Variants in NRCAM observed in about 807,000 individuals in gnomAD.
The protein encoded by NRCAM is neuronal cell adhesion molecule, also known as NgCAM-related cell adhesion molecule.
NRCAM carries 83 observed loss-of-function variants against 156.5 expected under a neutral mutation model. That is an observed-to-expected ratio of 0.53 (90% CI 0.44 to 0.64). NRCAM has a LOEUF of 0.64. Ranked by LOEUF, NRCAM falls within the 30% of genes least tolerant of loss-of-function variation. The pLI, the probability that NRCAM is intolerant of heterozygous loss-of-function variation, is 0.00. For synonymous variants in NRCAM, 538 were observed against 563.9 expected, an observed-to-expected ratio of 0.95 and a Z score of 0.65; for missense variants, 1,417 against 1,597.3, an observed-to-expected ratio of 0.89 and a Z score of 1.92.
intron 20 of NRCAM, among the ~76,000 whole-genome samples, chr7:108,188,313 G>A (rs901972858): frequency 6.6e-5 from 10 of 152,050 alleles, no homozygotes; most frequent in African/African-American, 2.4e-4. Flanking sequence ...AGAAGGAGAA[G>A]CAGATGGAGG....
At chr7:108,361,850 T>C (rs915640975) in intron 2 of NRCAM, among the ~76,000 whole-genome samples, 1 of 151,898 alleles carries the variant, frequency 6.6e-6, no homozygotes, top group Admixed American at 6.6e-5. Context: ...TATGTGTATA[T>C]ACGTATATGT....
intron 4 of NRCAM, among the ~76,000 whole-genome samples, chr7:108,238,794 T>G (rs996891779): frequency 6.6e-6 from 1 of 152,168 alleles, no homozygotes; most frequent in Non-Finnish European, 1.5e-5. Flanking sequence ...TGGATGAATT[T>G]TTTTTAAATA....
chr7:108,280,113 A>G (rs756256511), intron 3 of NRCAM, among the ~76,000 whole-genome samples: 1 of 152,204 alleles, frequency 6.6e-6, no homozygotes, highest in Non-Finnish European at 1.5e-5. Context: ...AAAGCCCAGA[A>G]TAAAAAGACA....
At position 108,207,556 on chromosome 7, in the gene NRCAM, G is replaced by C. The variant is rs373954613; in HGVS notation, c.1179C>G (p.Ser393Arg). 5 of 1,613,822 alleles carry C rather than the reference G, an allele frequency of 3.1e-6. No homozygotes were observed. The African/African-American group carries it at 6.7e-5, about 22-fold the overall frequency. The change falls in exon 13 of 33, where the codon AGC (serine) becomes AGG (arginine). Residue 393 changes from serine (S) to arginine (R), a missense_variant. This residue lies in a region of NRCAM where 1,238 missense variants were observed against 1,336.4 expected (regional missense o/e 0.93). Coordinates refer to ENST00000379028, the MANE Select transcript of NRCAM (RefSeq NM_001037132.4). ...CTATTGGGACTCCATTTGTTAACCAGCTAATTCTGGGTTTGGGGTTGCCAT... is the reference window on the plus strand; with the variant it reads ...CTATTGGGACTCCATTTGTTAACCACCTAATTCTGGGTTTGGGGTTGCCAT... ...RANGNPKPRISWLTNGVPIEI... is the reference protein window; with the variant it reads ...RANGNPKPRIRWLTNGVPIEI...
chr7:108,392,984 G>A lies in NRCAM; in HGVS notation c.-174+6452C>T, dbSNP rs549351165. The stretch of plus-strand genomic sequence containing the variant: ...GGTGTCAGTCTGCCCCTACTTGGGG[G>A]TGCCTCCCAGTTAGGCTACTCGGAG... On this transcript the variant is annotated intron_variant, in intron 2 of 32. Coordinates refer to ENST00000379028, the MANE Select transcript of NRCAM (RefSeq NM_001037132.4). Among the ~76,000 whole-genome samples the A allele has an allele frequency of 4.6e-5, 7 of 152,276 alleles. No homozygotes were observed. The East Asian group carries it at 9.7e-4, about 21-fold the overall frequency.
chr7:108,370,509 A>C (rs2099621552), intron 2 of NRCAM, among the ~76,000 whole-genome samples: 1 of 152,154 alleles, frequency 6.6e-6, no homozygotes, highest in Admixed American at 6.6e-5. Context: ...AAATAAATAG[A>C]AGAAGAATAT....
chr7:108,295,569 C>T (rs1185532147), intron 3 of NRCAM, among the ~76,000 whole-genome samples: 2 of 152,194 alleles, frequency 1.3e-5, no homozygotes, highest in Non-Finnish European at 2.9e-5. Flanking sequence ...AGGGCTTAAC[C>T]TCATGACTTA....
chr7:108,219,433 TA>T (rs2091281280), intron 11 of NRCAM, among the ~76,000 whole-genome samples: 2 of 152,062 alleles, frequency 1.3e-5, no homozygotes, highest in Admixed American at 1.3e-4. Context: ...CTGAGGAACA[TA>T]GATGCTAAAA....
intron 5 of NRCAM, chr7:108,234,957 A>G: frequency 1.8e-6 from 1 of 562,716 alleles, no homozygotes; most frequent in Non-Finnish European, 3.3e-6. Context: ...ATAATTATCA[A>G]TACAAACCTA....
chr7:108,301,540 C>T (rs1259105998), intron 3 of NRCAM, among the ~76,000 whole-genome samples: 2 of 152,178 alleles, frequency 1.3e-5, no homozygotes, highest in African/African-American at 4.8e-5. Context: ...ACTGCATGAC[C>T]TCTGACCATC....
At chr7:108,447,500 G>C (rs1046579065) in intron 1 of NRCAM, among the ~76,000 whole-genome samples, 8 of 151,838 alleles carry the variant, frequency 5.3e-5, no homozygotes, top group African/African-American at 1.9e-4. Context: ...TTGAACTCCT[G>C]ATCTCATGAT....
chr7:108,396,264 C>T (rs1162756826), intron 2 of NRCAM, among the ~76,000 whole-genome samples: 2 of 152,190 alleles, frequency 1.3e-5, no homozygotes, highest in African/African-American at 2.4e-5. Flanking sequence ...ACTTTTGTTA[C>T]TGGCAGCTTT....
chr7:108,437,094 G>A (rs1453480530), intron 1 of NRCAM, among the ~76,000 whole-genome samples: 1 of 152,172 alleles, frequency 6.6e-6, no homozygotes, highest in Non-Finnish European at 1.5e-5. Flanking sequence ...CATAAAAAAG[G>A]ATGAGATCCT....
intron 13 of NRCAM, 102 bp downstream of exon 13, chr7:108,207,426 C>T: frequency 1.6e-6 from 2 of 1,234,254 alleles, no homozygotes; most frequent in East Asian, 2.4e-5. Flanking sequence ...ATGTGGCTTC[C>T]TTCCTTAACC....
intron 28 of NRCAM, among the ~76,000 whole-genome samples, chr7:108,171,943 G>C (rs2058600757): frequency 6.6e-6 from 1 of 152,116 alleles, no homozygotes; most frequent in African/African-American, 2.4e-5. Context: ...TGTAGTGAGA[G>C]TCAGATCACA....
At chr7:108,200,822 AAT>A (rs1407417190) in intron 13 of NRCAM, among the ~76,000 whole-genome samples, 1 of 151,850 alleles carries the variant, frequency 6.6e-6, no homozygotes, top group Non-Finnish European at 1.5e-5. Context: ...GAAATGAAAT[AAT>A]GGCATTCACA....
rs1233820874 is a variant in NRCAM, at chr7:108,336,095, CT to C, written c.-173-23365del. On this transcript the variant is annotated intron_variant, in intron 2 of 32. Coordinates refer to ENST00000379028, the MANE Select transcript of NRCAM (RefSeq NM_001037132.4). ...ATGACCCCTGCTTCATTCAAGTGAC[CT>C]TTCTTCTAATTCAGGATTTTGCTGA... is the stretch of plus-strand genomic sequence containing the variant. Among the ~76,000 whole-genome samples, 4 of 152,232 alleles carry C rather than the reference CT, an allele frequency of 2.6e-5. No individual in the cohort carries two copies. The East Asian group carries it at 7.7e-4, about 29-fold the overall frequency.
intron 11 of NRCAM, among the ~76,000 whole-genome samples, chr7:108,219,480 C>T (rs991927779): frequency 6.6e-6 from 1 of 152,152 alleles, no homozygotes; most frequent in Admixed American, 6.5e-5. Context: ...AATCCAGCAA[C>T]ATATCAAAAA....
Position 108,210,245 on chromosome 7 carries a change from TTTG to T in NRCAM, c.891-643_891-641del, listed in dbSNP as rs144064372. Among the ~76,000 whole-genome samples the T allele has an allele frequency of 4.2e-3, 501 of 119,634 alleles. 2 individuals are homozygous for T. Among genetic ancestry groups the T allele is most frequent in the Non-Finnish European group, 7.5e-3 (388 of 51,582 alleles). The allele number at this position is 119,634 out of a possible 152,430, so 78.5% of individuals were successfully genotyped here. On this transcript the variant is annotated intron_variant, in intron 11 of 32. Transcript: ENST00000379028. ...ACTCATACCATTTGTCACCCAATGT[TTTG>T]TTTTGTTTTTTTTTTTGAGATGGAG...
Sources: gnomAD v4.1 joint callset for allele counts (sites outside exome capture counted in the v4.1 genomes callset) on GRCh38, gnomAD v4.1.1 for gene constraint, gnomAD v4.1.1 regional missense constraint, MANE v1.5 for transcripts, NCBI Gene and HGNC (gene_info 2026-07-23, HGNC 2026-07-21) for gene names.